Variants in ANXA8 observed in about 807,000 individuals in gnomAD.
The protein encoded by ANXA8 is VAC-beta.
Under a neutral mutation model 26.8 loss-of-function variants are expected in ANXA8, and 9 were observed. The ratio of observed to expected loss-of-function variants is 0.34; its 90% confidence interval spans 0.20 to 0.59. The LOEUF (loss-of-function observed/expected upper bound fraction) is 0.59. Ranked by LOEUF, ANXA8 falls within the 20% of genes least tolerant of loss-of-function variation. The pLI is 0.84. For missense variants in ANXA8, 83 were observed against 238.5 expected, an observed-to-expected ratio of 0.35 and a Z score of 4.29; for synonymous variants, 39 against 94.8, an observed-to-expected ratio of 0.41 and a Z score of 3.42.
chr10:47,748,542 T>G, the ANXA8 span, among the ~76,000 whole-genome samples: 2 of 152,108 alleles, frequency 1.3e-5, no homozygotes, highest in African/African-American at 4.8e-5. Flanking sequence ...CTGCTGCAAA[T>G]GAAAGACAAG....
chr10:47,562,617 ACC>A, the ANXA8 span, among the ~76,000 whole-genome samples: 1 of 67,382 alleles, frequency 1.5e-5, no homozygotes, highest in Non-Finnish European at 3.1e-5. Context: ...ATTGACCAAG[ACC>A]CCCCAAAGCC....
At chr10:47,719,831 AG>A in the ANXA8 span, 1 of 833,308 alleles carries the variant, frequency 1.2e-6, no homozygotes, top group Non-Finnish European at 2.0e-6. Flanking sequence ...TGTTGTTTGT[AG>A]GAGTGGTTCT....
chr10:47,744,318 G>C, the ANXA8 span, among the ~76,000 whole-genome samples: 2 of 148,786 alleles, frequency 1.3e-5, no homozygotes, highest in Non-Finnish European at 3.0e-5. Context: ...TTAAATTCTA[G>C]CTCCATCACC....
chr10:47,971,359 C>T, the ANXA8 span, among the ~76,000 whole-genome samples: 3 of 151,074 alleles, frequency 2.0e-5, no homozygotes, highest in Admixed American at 6.6e-5. Flanking sequence ...ATGTGAGGAT[C>T]GTGCCCCTTT....
chr10:47,509,878 C>CA, the ANXA8 span, among the ~76,000 whole-genome samples: 12 of 134,714 alleles, frequency 8.9e-5, 1 homozygote, highest in Admixed American at 9.3e-4. Context: ...TAAGTTTCCA[C>CA]AAAAAACATT....
the ANXA8 span, among the ~76,000 whole-genome samples, chr10:47,744,447 G>A: frequency 1.1e-5 from 1 of 91,058 alleles, no homozygotes; most frequent in African/African-American, 3.9e-5. Flanking sequence ...GAAGAGGGGG[G>A]GCCTTGCAGA....
At chr10:47,652,460 G>A in the ANXA8 span, among the ~76,000 whole-genome samples, 1 of 151,466 alleles carries the variant, frequency 6.6e-6, no homozygotes, top group African/African-American at 2.4e-5. Flanking sequence ...GGCTGGGCGT[G>A]TTGGTACATG....
chr10:47,622,786 A>AT, the ANXA8 span, among the ~76,000 whole-genome samples: 1 of 108,972 alleles, frequency 9.2e-6, no homozygotes, highest in Non-Finnish European at 2.0e-5. Context: ...TGCATTACAC[A>AT]TTTTTATATG....
the ANXA8 span, among the ~76,000 whole-genome samples, chr10:47,916,548 A>G: frequency 2.3e-5 from 3 of 130,234 alleles, no homozygotes; most frequent in South Asian, 7.5e-4. Flanking sequence ...TGGCTGAGAC[A>G]AGACACTCTA....
the ANXA8 span, among the ~76,000 whole-genome samples, chr10:47,937,736 T>C: frequency 6.8e-6 from 1 of 146,258 alleles, no homozygotes; most frequent in East Asian, 2.0e-4. Context: ...TCTGTTCCTG[T>C]GCTAATTTGC....
the ANXA8 span, among the ~76,000 whole-genome samples, chr10:47,658,888 T>C: frequency 6.8e-6 from 1 of 147,252 alleles, no homozygotes; most frequent in African/African-American, 2.7e-5. Context: ...ATTTATTTAT[T>C]TGAGACAGAG....
chr10:47,488,992 G>A (rs1195709219), upstream of ANXA8, among the ~76,000 whole-genome samples: 21 of 144,642 alleles, frequency 1.5e-4, no homozygotes, highest in African/African-American at 3.1e-4. Flanking sequence ...TGGGATTACA[G>A]GCGTGAGCCA....
chr10:47,581,374 A>G, the ANXA8 span: 1 of 420,728 alleles, frequency 2.4e-6, no homozygotes, highest in Non-Finnish European at 4.6e-6. Context: ...AAGAAAAGTA[A>G]ATAAAATGTT....
chr10:47,676,799 T>A, the ANXA8 span, among the ~76,000 whole-genome samples: 2 of 147,920 alleles, frequency 1.4e-5, no homozygotes, highest in Non-Finnish European at 3.0e-5. Flanking sequence ...ACACCTGTAG[T>A]CCCAGCTACT....
chr10:47,559,822 T>C, the ANXA8 span, among the ~76,000 whole-genome samples: 1 of 152,032 alleles, frequency 6.6e-6, no homozygotes, highest in Non-Finnish European at 1.5e-5. Flanking sequence ...GCTCCAGGGC[T>C]TCTTCCACTA....
At chr10:47,487,690 T>C (rs1287919264), upstream of ANXA8, among the ~76,000 whole-genome samples, 7 of 149,026 alleles carry the variant, frequency 4.7e-5, no homozygotes, top group African/African-American at 1.7e-4. Context: ...ACCATTTTTA[T>C]ATTGGGTTGT....
At chr10:47,648,280 G>A in the ANXA8 span, among the ~76,000 whole-genome samples, 90 of 151,772 alleles carry the variant, frequency 5.9e-4, no homozygotes, top group Non-Finnish European at 1.0e-3. Context: ...CTTGGAAAAC[G>A]TAGCTTGCTG....
At chr10:47,502,834 T>C in the ANXA8 span, 1 of 1,601,678 alleles carries the variant, frequency 6.2e-7, no homozygotes, top group African/African-American at 1.4e-5. Flanking sequence ...GACCCAGGCA[T>C]CCCGCTCCTC....
the ANXA8 span, among the ~76,000 whole-genome samples, chr10:47,664,460 C>T: frequency 8.0e-5 from 12 of 150,284 alleles, no homozygotes; most frequent in African/African-American, 2.5e-4. Flanking sequence ...CCCAACTACT[C>T]GGGAGGCTGA....
Sources: allele counts gnomAD v4.1 joint callset (sites outside exome capture counted in the v4.1 genomes callset), GRCh38; gene constraint gnomAD v4.1.1; transcripts MANE v1.5; gene names NCBI Gene and HGNC (gene_info 2026-07-23, HGNC 2026-07-21).